The following KCNMA1 variants were observed in gnomAD, a reference collection of about 807,000 sequenced individuals.
KCNMA1 encodes the protein potassium calcium-activated channel subfamily M alpha 1.
In KCNMA1, 29 loss-of-function variants were observed where a neutral mutation model predicts 140.0. The ratio of observed to expected loss-of-function variants is 0.21; its 90% CI spans 0.15 to 0.28. The LOEUF is 0.28. KCNMA1 is among the 10% of genes least tolerant of loss of function. The probability of loss-of-function intolerance (pLI) is 1.00; values close to 1 mark genes in which losing one functional copy is unlikely to be tolerated. For synonymous variants in KCNMA1, 612 were observed against 611.9 expected, an observed-to-expected ratio of 1.00 and a Z score of 0.00; for missense variants, 880 against 1,602.2, an observed-to-expected ratio of 0.55 and a Z score of 7.70.
intron 2 of KCNMA1, among the ~76,000 whole-genome samples, chr10:77,371,730 G>C (rs2094732906): frequency 1.3e-5 from 2 of 152,066 alleles, no homozygotes; most frequent in Non-Finnish European, 1.5e-5. Context: ...CAGTTCTCCA[G>C]CTGGACACTC....
At chr10:77,565,643 T>C (rs2068004805) in intron 1 of KCNMA1, among the ~76,000 whole-genome samples, 1 of 152,212 alleles carries the variant, frequency 6.6e-6, no homozygotes, top group Non-Finnish European at 1.5e-5. Context: ...CTTCCACCTG[T>C]AAAATGATGT....
intron 3 of KCNMA1, among the ~76,000 whole-genome samples, chr10:77,216,736 A>G (rs369608096): frequency 6.6e-6 from 1 of 152,246 alleles, no homozygotes; most frequent in African/African-American, 2.4e-5. Flanking sequence ...TCATTCATTC[A>G]TAAGAAAAAA....
chr10:77,386,903 A>G (rs1424966011), intron 2 of KCNMA1, among the ~76,000 whole-genome samples: 2 of 152,220 alleles, frequency 1.3e-5, no homozygotes, highest in Non-Finnish European at 1.5e-5. Context: ...AGGGAGAAAC[A>G]GGAAGAAATA....
intron 2 of KCNMA1, among the ~76,000 whole-genome samples, chr10:77,252,523 CTTTG>C (rs2059838135): frequency 1.7e-5 from 1 of 57,318 alleles, no homozygotes; most frequent in Non-Finnish European, 3.3e-5. Flanking sequence ...CATGATCAAG[CTTTG>C]TGTGTGTGTG....
At chr10:76,981,625 C>G (rs947892291) in intron 19 of KCNMA1, among the ~76,000 whole-genome samples, 1 of 152,132 alleles carries the variant, frequency 6.6e-6, no homozygotes, top group Non-Finnish European at 1.5e-5. Flanking sequence ...ACCAGGCTCT[C>G]CCACCATGTC....
At chr10:77,442,362 C>T (rs1490460576) in intron 1 of KCNMA1, among the ~76,000 whole-genome samples, 3 of 152,028 alleles carry the variant, frequency 2.0e-5, no homozygotes, top group Non-Finnish European at 4.4e-5. Context: ...CCCCCGCCAC[C>T]TCCCCATCTA....
chr10:77,292,462 C>A (rs1289375919), intron 2 of KCNMA1, among the ~76,000 whole-genome samples: 3 of 152,206 alleles, frequency 2.0e-5, no homozygotes, highest in African/African-American at 7.2e-5. Flanking sequence ...GCGGCCCCCA[C>A]TATGTTTTCT....
At chr10:77,315,612 A>G (rs181204534) in intron 2 of KCNMA1, 5 of 152,300 alleles carry the variant, frequency 3.3e-5, no homozygotes, top group East Asian at 1.9e-4. Flanking sequence ...TCCAACTTGC[A>G]TAATTGTCCT....
chr10:77,025,264 A>G (rs1248960741), intron 16 of KCNMA1, among the ~76,000 whole-genome samples: 8 of 128,846 alleles, frequency 6.2e-5, no homozygotes, highest in Admixed American at 1.6e-4. Context: ...ATATATATAT[A>G]TATATATATA....
chr10:77,381,848 T>G (rs1015687326), intron 2 of KCNMA1, among the ~76,000 whole-genome samples: 10 of 152,178 alleles, frequency 6.6e-5, no homozygotes, highest in African/African-American at 2.2e-4. Context: ...GGTCATCAAG[T>G]GGGGCTCTGA....
intron 3 of KCNMA1, among the ~76,000 whole-genome samples, chr10:77,223,464 G>T (rs1054484261): frequency 6.6e-6 from 1 of 152,132 alleles, no homozygotes; most frequent in African/African-American, 2.4e-5. Context: ...AAGTTGAAAA[G>T]AAAGTGCAGA....
intron 1 of KCNMA1, among the ~76,000 whole-genome samples, chr10:77,513,421 T>C (rs1182132476): frequency 1.3e-5 from 2 of 152,190 alleles, no homozygotes; most frequent in Non-Finnish European, 2.9e-5. Context: ...GCAGCCACCG[T>C]AGCTATCGAA....
At chr10:77,431,681 TAAAAAAAAAAAAAAAAA>T (rs71028276) in intron 1 of KCNMA1, among the ~76,000 whole-genome samples, 23 of 75,448 alleles carry the variant, frequency 3.0e-4, no homozygotes, top group South Asian at 2.3e-3. Flanking sequence ...TGGTCTGTTG[TAAAAAAAAAAAAAAAAA>T]AAAAAAAAAA....
intron 2 of KCNMA1, among the ~76,000 whole-genome samples, chr10:77,362,343 A>AC (rs2094025433): frequency 3.4e-5 from 1 of 29,422 alleles, no homozygotes; most frequent in African/African-American, 1.4e-4. Flanking sequence ...CCCACCCCCT[A>AC]TCCCCCCCCA....
chr10:77,358,111 A>ATG (rs886876040), intron 2 of KCNMA1, among the ~76,000 whole-genome samples: 14 of 152,224 alleles, frequency 9.2e-5, no homozygotes, highest in African/African-American at 3.1e-4. Context: ...GCAGTGGGGG[A>ATG]TGTTAAGGAA....
intron 21 of KCNMA1, among the ~76,000 whole-genome samples, chr10:76,952,591 C>T (rs2066719689): frequency 6.6e-6 from 1 of 152,174 alleles, no homozygotes; most frequent in Non-Finnish European, 1.5e-5. Context: ...CACTCCTGGT[C>T]AGTTGGACAA....
intron 19 of KCNMA1, chr10:76,980,108 A>G (rs993686769): frequency 6.6e-6 from 1 of 152,200 alleles, no homozygotes; most frequent in African/African-American, 2.4e-5. Context: ...TGGTCAATGC[A>G]TTGGAGAACA....
At chr10:76,992,488 T>C (rs2083056409) in intron 19 of KCNMA1, among the ~76,000 whole-genome samples, 1 of 152,282 alleles carries the variant, frequency 6.6e-6, no homozygotes. Context: ...GATGTGGCGA[T>C]GGAGGGTCCC....
intron 2 of KCNMA1, among the ~76,000 whole-genome samples, chr10:77,296,178 C>G (rs2075061762): frequency 2.6e-5 from 4 of 152,074 alleles, no homozygotes; most frequent in African/African-American, 9.7e-5. Context: ...GGTGGGCCCA[C>G]TGTAATCACT....
Sources: allele counts gnomAD v4.1 joint callset (sites outside exome capture counted in the v4.1 genomes callset), GRCh38; gene constraint gnomAD v4.1.1; transcripts MANE v1.5; gene names NCBI Gene and HGNC (gene_info 2026-07-23, HGNC 2026-07-21).